The following YIF1B variants were observed in gnomAD, a reference collection of about 807,000 sequenced individuals.
The protein encoded by YIF1B is protein YIF1B.
A neutral mutation model predicts 34.6 loss-of-function variants in YIF1B; 24 were observed. The ratio of observed to expected loss-of-function variants is 0.69; its 90% confidence interval spans 0.50 to 0.98. The LOEUF (loss-of-function observed/expected upper bound fraction) is 0.98, where lower values mean the gene tolerates loss of function less well. Among genes scored for constraint, YIF1B ranks in the 50% least tolerant of loss-of-function variants. YIF1B has a pLI of 0.00. For missense variants in YIF1B, 368 were observed against 429.4 expected (o/e 0.86, Z 1.26); for synonymous variants, 186 against 184.8 (o/e 1.01, Z -0.05).
chr19:38,304,974 G>A lies in YIF1B; in HGVS notation c.*378C>T, dbSNP rs749596098. On this transcript the variant is annotated 3_prime_UTR_variant, in exon 8 of 8. Transcript: ENST00000339413. ...GGAGGCTCCCCACTGAAGGGCCCTG[G>A]ACAGGGCTCATTAAACCTTCCTCTC... 2 of 1,587,160 alleles carry A rather than the reference G, an allele frequency of 1.3e-6. No homozygotes were observed. Among genetic ancestry groups the A allele is most frequent in the East Asian group, 4.8e-5 (2 of 41,862 alleles).
chr19:38,305,447 C>G lies in YIF1B; in HGVS notation c.850G>C (p.Gly284Arg). The change falls in exon 8 of 8, where the codon GGG (glycine) becomes CGG (arginine). Residue 284 changes from glycine to arginine, a missense_variant. Physicochemically the swap from Gly to Arg is moderately radical, Grantham distance 125 (BLOSUM62 -2). Coordinates refer to ENST00000339413, the MANE Select transcript of YIF1B (RefSeq NM_001039672.3). ...TACATGCGCAGCTGGTTCCGGGCCC[C>G]ACGCACCGGGACCCCCTCAGCTGCT... Reference protein sequence around the residue: ...DAAAEGVPVRGARNQLRMYLT... With the variant: ...DAAAEGVPVRRARNQLRMYLT... 5 of 1,610,138 alleles carry G rather than the reference C, an allele frequency of 3.1e-6. No individual in the cohort carries two copies. Among genetic ancestry groups the G allele is most frequent in the Non-Finnish European group, 4.2e-6 (5 of 1,178,102 alleles).
chr19:38,314,568 T>C (rs1046676904), intron 1 of YIF1B, among the ~76,000 whole-genome samples: 6 of 151,320 alleles, frequency 4.0e-5, no homozygotes, highest in African/African-American at 1.2e-4. Flanking sequence ...CCGTGACTCA[T>C]GCCTGTGATC....
upstream of YIF1B, among the ~76,000 whole-genome samples, chr19:38,318,218 A>C (rs1969605281): frequency 6.6e-6 from 1 of 150,940 alleles, no homozygotes; most frequent in African/African-American, 2.4e-5. Context: ...AAAAAAAAAA[A>C]AAGCAAGTTC....
intron 5 of YIF1B, 47 bp downstream of exon 5, chr19:38,308,745 G>C: frequency 6.2e-7 from 1 of 1,611,648 alleles, no homozygotes; most frequent in African/African-American, 1.3e-5. Flanking sequence ...ACCAACCATG[G>C]GCCTCCCAAA....
intron 5 of YIF1B, among the ~76,000 whole-genome samples, chr19:38,308,344 T>C (rs572514648): frequency 2.6e-5 from 4 of 151,600 alleles, no homozygotes; most frequent in African/African-American, 9.7e-5. Context: ...AGGAAAGGAA[T>C]AGACCGGAGC....
upstream of YIF1B, chr19:38,320,085 G>A: frequency 1.3e-6 from 2 of 1,537,364 alleles, no homozygotes; most frequent in Non-Finnish European, 1.7e-6. Context: ...CGCTGCGGGC[G>A]CAGCTGCTTC....
In YIF1B at chr19:38,309,187, G is replaced by T. The variant is rs548823386; in HGVS notation, c.402+37C>A. 86 of 1,609,812 alleles carry T rather than the reference G, an allele frequency of 5.3e-5. No individual in the cohort carries two copies. In the South Asian group the frequency reaches 8.3e-4, roughly 16 times the overall value. ...GCCCCCACCCCTGAGCCCCCCACAG[G>T]CCCACTGCAGACCCACATTCCCCTG... On this transcript the variant is annotated intron_variant, in intron 3 of 7. Transcript: ENST00000339413.
chr19:38,313,769 A>G (rs936838468), intron 1 of YIF1B, among the ~76,000 whole-genome samples: 3 of 152,140 alleles, frequency 2.0e-5, no homozygotes, highest in Non-Finnish European at 4.4e-5. Context: ...CCTTGCCCCC[A>G]CTGGCTTTTG....
chr19:38,315,450 G>A, intron 1 of YIF1B: 1 of 1,327,516 alleles, frequency 7.5e-7, no homozygotes, highest in Non-Finnish European at 9.6e-7. Context: ...GGAAAAGGGG[G>A]CCAACAGCAC....
intron 7 of YIF1B, 123 bp from the exon 8 acceptor site, chr19:38,305,630 G>A: frequency 7.4e-7 from 1 of 1,352,830 alleles, no homozygotes; most frequent in Non-Finnish European, 9.8e-7. Context: ...ACAAGTCCCT[G>A]GCCCTCTGCA....
At chr19:38,320,236 G>T (rs1398498069), upstream of YIF1B, 28 of 1,605,802 alleles carry the variant, frequency 1.7e-5, no homozygotes, top group Non-Finnish European at 2.1e-5. Flanking sequence ...CTTCGCCTCT[G>T]CTCTCTTCTT....
At position 38,314,112 on chromosome 19, in the gene YIF1B, G is replaced by A. The variant is rs533872346; in HGVS notation, c.58+1748C>T. 4.0e-5 allele frequency among the ~76,000 whole-genome samples: 6 copies of A among 151,636 alleles called. No individual in the cohort carries two copies. In the East Asian group the frequency reaches 7.7e-4, roughly 20 times the overall value. On this transcript the variant is annotated intron_variant, in intron 1 of 7. Coordinates refer to ENST00000339413, the MANE Select transcript of YIF1B (RefSeq NM_001039672.3). ...GCAATCTTGGCTCACTGCAACCTCC[G>A]CATCCTGGGTTCAAGCGATTCTCCT...
intron 1 of YIF1B, among the ~76,000 whole-genome samples, chr19:38,312,633 A>G (rs1285016331): frequency 6.6e-6 from 1 of 152,206 alleles, no homozygotes; most frequent in African/African-American, 2.4e-5. Flanking sequence ...TTGCAGGCAC[A>G]GGGAATGAGT....
Position 38,304,065 on chromosome 19 carries a change from T to TG in YIF1B, c.*1286dup. ...ACCAAGGCTGGCGGAAGCAGTCACC[T>TG]GTCCATCTCCCCCACTTCTCACAGA... On this transcript the variant is annotated 3_prime_UTR_variant, in exon 8 of 8. Coordinates refer to ENST00000339413, the MANE Select transcript of YIF1B (RefSeq NM_001039672.3). The TG allele has an allele frequency of 1.5e-6, 1 of 679,604 alleles. No homozygotes were observed. 42.1% of individuals were successfully genotyped at this position (679,604 alleles called of 1,614,324 possible).
At chr19:38,307,986 C>T (rs1969137224) in intron 5 of YIF1B, among the ~76,000 whole-genome samples, 1 of 152,184 alleles carries the variant, frequency 6.6e-6, no homozygotes, top group Admixed American at 6.5e-5. Flanking sequence ...TGCTGACAGT[C>T]AGGAGACAGG....
Position 38,304,955 on chromosome 19 carries a change from TCC to T in YIF1B, c.*395_*396del, listed in dbSNP as rs770626657. On this transcript the variant is annotated 3_prime_UTR_variant, in exon 8 of 8. Transcript: ENST00000339413. ...AGGAGAAGGGCAAGAAGAAGGAGGC[TCC>T]CCACTGAAGGGCCCTGGACAGGGCT... 25 of 1,515,790 alleles carry T rather than the reference TCC, an allele frequency of 1.6e-5. No individual in the cohort carries two copies. Among genetic ancestry groups the T allele is most frequent in the Non-Finnish European group, 2.2e-5 (25 of 1,128,306 alleles). The allele number at this position is 1,515,790 out of a possible 1,614,324, so 93.9% of individuals were successfully genotyped here.
chr19:38,307,257 C>T (rs989575346), intron 7 of YIF1B, 171 bp downstream of exon 7: 15 of 666,836 alleles, frequency 2.2e-5, no homozygotes, highest in Middle Eastern at 3.6e-4. Flanking sequence ...TCAGGATACC[C>T]CCTCTTCCAG....
At chr19:38,320,362 C>T, upstream of YIF1B, 5 of 1,361,268 alleles carry the variant, frequency 3.7e-6, no homozygotes, top group Non-Finnish European at 5.0e-6. Flanking sequence ...TCACGAATAC[C>T]CTTATCCCAA....
chr19:38,304,633 C>CA lies in YIF1B; in HGVS notation c.*718dup, dbSNP rs1968906219. 6.2e-7 allele frequency: 1 copy of CA among 1,613,466 alleles called. No individual in the cohort carries two copies. Among genetic ancestry groups the CA allele is most frequent in the African/African-American group, 1.3e-5 (1 of 74,928 alleles). On this transcript the variant is annotated 3_prime_UTR_variant, in exon 8 of 8. Transcript: ENST00000339413. ...CCGCACCTCCATCCAGCAAGGACACCACAGCTCTTCCGACTCCAGCAGCAG... is the reference window on the plus strand; with the variant it reads ...CCGCACCTCCATCCAGCAAGGACACCAACAGCTCTTCCGACTCCAGCAGCAG...
Sources: allele counts gnomAD v4.1 joint callset (sites outside exome capture counted in the v4.1 genomes callset), GRCh38; gene constraint gnomAD v4.1.1; transcripts MANE v1.5; gene names NCBI Gene and HGNC (gene_info 2026-07-23, HGNC 2026-07-21).